Variants in ADAMTSL1 observed in about 807,000 individuals in gnomAD.
ADAMTSL1 encodes ADAMTS-like protein 1.
ADAMTSL1 carries 126 observed loss-of-function variants against 201.8 expected under a neutral mutation model. That is an observed-to-expected ratio of 0.62 (90% CI 0.54 to 0.72). The LOEUF is 0.72. Among genes scored for constraint, ADAMTSL1 ranks in the 30% least tolerant of loss-of-function variants. The probability of loss-of-function intolerance (pLI) is 0.00; values close to 1 mark genes in which losing one functional copy is unlikely to be tolerated. For missense variants in ADAMTSL1, 2,679 were observed against 2,277.8 expected, an observed-to-expected ratio of 1.18 and a Z score of -3.59; for synonymous variants, 1,121 against 903.4, an observed-to-expected ratio of 1.24 and a Z score of -4.32.
At chr9:17,990,832 A>T (rs1456578181) in intron 1 of ADAMTSL1, among the ~76,000 whole-genome samples, 1 of 152,122 alleles carries the variant, frequency 6.6e-6, no homozygotes, top group Non-Finnish European at 1.5e-5. Context: ...GTGTGACCTC[A>T]GTTCTTTACT....
At chr9:18,056,043 TCTGCTGTA>T (rs1448145332) in intron 1 of ADAMTSL1, among the ~76,000 whole-genome samples, 1 of 152,176 alleles carries the variant, frequency 6.6e-6, no homozygotes, top group Non-Finnish European at 1.5e-5. Flanking sequence ...TTTCCTGGGA[TCTGCTGTA>T]CAGGTCATGA....
At chr9:18,866,743 C>A (rs1172095965) in intron 23 of ADAMTSL1, among the ~76,000 whole-genome samples, 2 of 152,160 alleles carry the variant, frequency 1.3e-5, no homozygotes, top group East Asian at 3.9e-4. Context: ...AGACTCCCAG[C>A]AACAGTAGCT....
chr9:18,155,678 A>G (rs1827121466), intron 1 of ADAMTSL1, among the ~76,000 whole-genome samples: 1 of 152,072 alleles, frequency 6.6e-6, no homozygotes, highest in Non-Finnish European at 1.5e-5. Flanking sequence ...TCTGTAGAGC[A>G]TTAACTGAGA....
intron 2 of ADAMTSL1, among the ~76,000 whole-genome samples, chr9:18,195,999 A>T (rs1342071620): frequency 6.6e-6 from 1 of 152,268 alleles, no homozygotes; most frequent in East Asian, 1.9e-4. Context: ...CAATTCATAC[A>T]TCACTTCCTA....
intron 2 of ADAMTSL1, among the ~76,000 whole-genome samples, chr9:18,375,633 C>T (rs1837256261): frequency 6.6e-6 from 1 of 152,178 alleles, no homozygotes; most frequent in South Asian, 2.1e-4. Context: ...AAGCCGTGGA[C>T]CTTCACGGTG....
chr9:18,126,814 A>T (rs1044572969), intron 1 of ADAMTSL1, among the ~76,000 whole-genome samples: 5 of 152,186 alleles, frequency 3.3e-5, no homozygotes, highest in East Asian at 1.9e-4. Context: ...AAATATGTCT[A>T]TGCTTATGCC....
chr9:17,927,506 A>G (rs7847752), intron 1 of ADAMTSL1, among the ~76,000 whole-genome samples: 1 of 151,880 alleles, frequency 6.6e-6, no homozygotes, highest in African/African-American at 2.4e-5. Flanking sequence ...TAAATTATAT[A>G]TATATGGCCC....
Position 18,906,926 on chromosome 9 carries a change from C to A in ADAMTSL1, c.5182+14C>A. ...CATGTGAAAACAGTATGTTCCAACC[C>A]CAAAGAACCTTCTGCAAATTCCCCA... is the stretch of plus-strand genomic sequence containing the variant. On this transcript the variant is annotated intron_variant, in intron 28 of 28. Transcript: ENST00000380548. The A allele has an allele frequency of 6.2e-7, 1 of 1,613,668 alleles. No homozygotes were observed. Among genetic ancestry groups the A allele is most frequent in the Non-Finnish European group, 8.5e-7 (1 of 1,179,704 alleles).
Position 18,230,320 on chromosome 9 carries a change from T to G in ADAMTSL1, c.207+66339T>G, listed in dbSNP as rs142942892. Among the ~76,000 whole-genome samples, 63 of 152,188 alleles carry G rather than the reference T, an allele frequency of 4.1e-4. No individual in the cohort carries two copies. The East Asian group carries it at 0.011, about 27-fold the overall frequency. On this transcript the variant is annotated intron_variant, in intron 2 of 29. Coordinates refer to the ADAMTSL1 transcript ENST00000680146. ...GGATTCAATATGATACCGGCCTACA[T>G]GGGGAAGCCTGGAAGTTTTAGGGAA...
At chr9:18,629,124 ACACT>A (rs1343924461) in intron 5 of ADAMTSL1, among the ~76,000 whole-genome samples, 2 of 152,184 alleles carry the variant, frequency 1.3e-5, no homozygotes, top group Non-Finnish European at 2.9e-5. Flanking sequence ...TAAACTTGAT[ACACT>A]CACTCAATAC....
At chr9:18,555,088 T>A (rs1224236501) in intron 3 of ADAMTSL1, among the ~76,000 whole-genome samples, 1 of 151,914 alleles carries the variant, frequency 6.6e-6, no homozygotes, top group African/African-American at 2.4e-5. Context: ...TAGTTTGGTG[T>A]TTTTTAGGAG....
intron 1 of ADAMTSL1, among the ~76,000 whole-genome samples, chr9:18,009,707 C>T (rs112892691): frequency 3.1e-3 from 468 of 152,094 alleles, no homozygotes; most frequent in African/African-American, 0.01. Flanking sequence ...ACTAGCCACA[C>T]AGGCTAGAGG....
In ADAMTSL1 at chr9:18,450,636, A is replaced by G. The variant is rs909801683; in HGVS notation, c.208-54193A>G. On this transcript the variant is annotated intron_variant, in intron 2 of 29. Coordinates refer to the ADAMTSL1 transcript ENST00000680146. Reference sequence around the variant, plus strand: ...TATATGTGCATATGTGTGTATACACACACACCACATAGAACTTTTCTGTGA... The same window carrying G: ...TATATGTGCATATGTGTGTATACACGCACACCACATAGAACTTTTCTGTGA... 2.0e-5 allele frequency among the ~76,000 whole-genome samples: 3 copies of G among 152,000 alleles called. No individual in the cohort carries two copies. The East Asian group carries it at 5.8e-4, about 29-fold the overall frequency.
In ADAMTSL1 at chr9:18,777,031, C is replaced by A; in HGVS notation, c.2802C>A (p.Ile934=). 9 of 1,609,612 alleles carry A rather than the reference C, an allele frequency of 5.6e-6. No homozygotes were observed. The highest frequency in any genetic ancestry group is 7.6e-6 in the Non-Finnish European group (9 of 1,177,176). The change falls in exon 19 of 29, where the codon ATC becomes ATA. Residue 934 remains isoleucine, a synonymous_variant. Transcript: ENST00000380548. ...VTVAPFGYLK[I]HRLKPSDAGV... ...TGGCCCCCTTCGGCTATCTCAAGATCCACCGCCTCAAGCCCTCGGATGCAG... is the reference window on the plus strand; with the variant it reads ...TGGCCCCCTTCGGCTATCTCAAGATACACCGCCTCAAGCCCTCGGATGCAG...
In ADAMTSL1 at chr9:18,740,457, C is replaced by CT. The variant is rs66460645; in HGVS notation, c.2007-12828dup. On this transcript the variant is annotated intron_variant, in intron 15 of 28. Coordinates refer to ENST00000380548, the MANE Select transcript of ADAMTSL1 (RefSeq NM_001040272.6). Reference sequence around the variant, plus strand: ...TAGGCTTTCTACTCAATGTTCCTTTCTTTTTTTTTTTTTCTTTTATCTTTT... The same window carrying CT: ...TAGGCTTTCTACTCAATGTTCCTTTCTTTTTTTTTTTTTTCTTTTATCTTTT... Among the ~76,000 whole-genome samples the CT allele has an allele frequency of 2.2e-3, 284 of 126,570 alleles. 1 individual carries two copies. The highest frequency in any genetic ancestry group is 5.8e-3 in the African/African-American group (195 of 33,338). 83.0% of individuals were successfully genotyped at this position (126,570 alleles called of 152,430 possible).
chr9:18,295,097 C>G (rs2132701144), intron 2 of ADAMTSL1, among the ~76,000 whole-genome samples: 1 of 152,194 alleles, frequency 6.6e-6, no homozygotes, highest in South Asian at 2.1e-4. Context: ...TGCTTAATGT[C>G]CTTAGAAAGC....
chr9:18,570,269 G>T (rs1156712466), intron 3 of ADAMTSL1, among the ~76,000 whole-genome samples: 2 of 150,880 alleles, frequency 1.3e-5, no homozygotes, highest in African/African-American at 4.9e-5. Flanking sequence ...GGATCAGGAA[G>T]TATAATGGTT....
At chr9:18,634,716 T>A (rs1826990051) in intron 5 of ADAMTSL1, among the ~76,000 whole-genome samples, 1 of 150,392 alleles carries the variant, frequency 6.6e-6, no homozygotes, top group Non-Finnish European at 1.5e-5. Flanking sequence ...TGGGCGCCTA[T>A]AATCCCAGCT....
chr9:18,621,644 T>C (rs1348265150), intron 4 of ADAMTSL1, among the ~76,000 whole-genome samples: 1 of 151,984 alleles, frequency 6.6e-6, no homozygotes. Flanking sequence ...TTTTTTAAGC[T>C]GGAGTACTAG....
Sources: gnomAD v4.1 joint callset for allele counts (sites outside exome capture counted in the v4.1 genomes callset) on GRCh38, gnomAD v4.1.1 for gene constraint, MANE v1.5 for transcripts, NCBI Gene and HGNC (gene_info 2026-07-23, HGNC 2026-07-21) for gene names.